The following KIFAP3 variants were observed in gnomAD, a reference collection of about 807,000 sequenced individuals.
The protein encoded by KIFAP3 is kinesin-associated protein 3.
Under a neutral mutation model 106.5 loss-of-function variants are expected in KIFAP3, and 68 were observed. That is an observed-to-expected ratio of 0.64 (90% confidence interval 0.53 to 0.78). The LOEUF is 0.78. KIFAP3 is among the 30% of genes least tolerant of loss of function. The probability of loss-of-function intolerance (pLI) is 0.00; values close to 1 mark genes in which losing one functional copy is unlikely to be tolerated. For missense variants in KIFAP3, 780 were observed against 941.8 expected (o/e 0.83, Z 2.25); for synonymous variants, 320 against 311.5 (o/e 1.03, Z -0.29).
At chr1:170,023,592 T>C (rs1181849148) in intron 9 of KIFAP3, among the ~76,000 whole-genome samples, 2 of 152,074 alleles carry the variant, frequency 1.3e-5, no homozygotes, top group African/African-American at 2.4e-5. Flanking sequence ...TTATTTGTAA[T>C]AGATAAAATT....
chr1:170,074,406 G>A (rs1426456817), intron 1 of KIFAP3, 30 bp downstream of exon 1: 4 of 1,613,056 alleles, frequency 2.5e-6, no homozygotes, highest in Admixed American at 1.7e-5. Flanking sequence ...CTGGCAAGGA[G>A]GGTAGGACAG....
At chr1:169,936,118 C>T (rs1008152812) in intron 19 of KIFAP3, among the ~76,000 whole-genome samples, 3 of 151,920 alleles carry the variant, frequency 2.0e-5, no homozygotes, top group African/African-American at 7.2e-5. Context: ...ATTTAAAACT[C>T]TTCCAATGAA....
At chr1:169,934,555 T>A (rs545482365) in intron 19 of KIFAP3, among the ~76,000 whole-genome samples, 1 of 152,270 alleles carries the variant, frequency 6.6e-6, no homozygotes, top group East Asian at 1.9e-4. Flanking sequence ...ACTGCCAGTG[T>A]TGGCTTCTCT....
At chr1:169,933,936 C>T (rs2750014) in intron 19 of KIFAP3, among the ~76,000 whole-genome samples, 32,496 of 152,032 alleles carry the variant, frequency 0.21, 4,440 homozygotes, top group East Asian at 0.47. Flanking sequence ...CTAACTTTGA[C>T]ATGACTTCTT....
At chr1:169,971,495 T>G (rs1229859858) in intron 17 of KIFAP3, among the ~76,000 whole-genome samples, 2 of 151,384 alleles carry the variant, frequency 1.3e-5, no homozygotes, top group African/African-American at 4.9e-5. Flanking sequence ...AGCTAAAATG[T>G]CAACGTATCC....
At chr1:169,945,420 A>G (rs1310612017) in intron 19 of KIFAP3, among the ~76,000 whole-genome samples, 1 of 152,120 alleles carries the variant, frequency 6.6e-6, no homozygotes, top group East Asian at 1.9e-4. Context: ...CCAACTTGGC[A>G]GGGGGCAGGG....
chr1:170,018,085 C>A (rs528290726), intron 9 of KIFAP3, among the ~76,000 whole-genome samples: 1 of 152,066 alleles, frequency 6.6e-6, no homozygotes, highest in African/African-American at 2.4e-5. Flanking sequence ...TTGACTTTTA[C>A]AATTTTAAAT....
At chr1:169,947,925 A>G (rs924321062) in intron 19 of KIFAP3, among the ~76,000 whole-genome samples, 1 of 151,444 alleles carries the variant, frequency 6.6e-6, no homozygotes, top group Non-Finnish European at 1.5e-5. Context: ...ATTCACATAT[A>G]AAGTTTACTT....
intron 19 of KIFAP3, among the ~76,000 whole-genome samples, chr1:169,941,893 T>C (rs1056905625): frequency 3.3e-5 from 5 of 152,234 alleles, no homozygotes; most frequent in African/African-American, 1.2e-4. Flanking sequence ...TTATGTACTT[T>C]ACTATGAGGA....
intron 1 of KIFAP3, among the ~76,000 whole-genome samples, chr1:170,062,047 A>G (rs1206561731): frequency 6.6e-6 from 1 of 152,082 alleles, no homozygotes; most frequent in East Asian, 1.9e-4. Flanking sequence ...TAGCATTAGG[A>G]GATATGCCTA....
chr1:170,045,501 TAGTC>T (rs1411193081), intron 3 of KIFAP3, among the ~76,000 whole-genome samples: 4 of 152,192 alleles, frequency 2.6e-5, no homozygotes, highest in South Asian at 2.1e-4. Flanking sequence ...TTTATGCAAA[TAGTC>T]AGGCAAAGTA....
In KIFAP3 at chr1:170,074,658, A is replaced by G. The variant is rs1020204264; in HGVS notation, c.-191T>C. The G allele has an allele frequency of 7.6e-6, 11 of 1,455,214 alleles. No homozygotes were observed. In the African/African-American group the frequency reaches 1.1e-4, roughly 15 times the overall value. The allele number at this position is 1,455,214 out of a possible 1,614,324, so 90.1% of individuals were successfully genotyped here. ...GCTCCTCCCACAGCTTCTGTGCCCC[A>G]AAACACTGGAGCGGCCCAGACCCGC... is the stretch of plus-strand genomic sequence containing the variant. On this transcript the variant is annotated 5_prime_UTR_variant, in exon 1 of 20. Transcript: ENST00000361580.
At chr1:170,056,385 A>T (rs768660793) in intron 1 of KIFAP3, among the ~76,000 whole-genome samples, 14 of 152,176 alleles carry the variant, frequency 9.2e-5, no homozygotes, top group Admixed American at 2.6e-4. Context: ...TCAAGCCAAT[A>T]AAGTCGCAAA....
At chr1:170,020,098 T>A (rs1051727515) in intron 9 of KIFAP3, among the ~76,000 whole-genome samples, 1 of 152,130 alleles carries the variant, frequency 6.6e-6, no homozygotes, top group African/African-American at 2.4e-5. Flanking sequence ...TACTTAGGTA[T>A]AAATCTAACA....
chr1:170,057,637 A>G (rs950884397), intron 1 of KIFAP3, among the ~76,000 whole-genome samples: 17 of 151,716 alleles, frequency 1.1e-4, no homozygotes, highest in African/African-American at 3.9e-4. Context: ...GTATTCTAGC[A>G]GGGGTGAAAC....
At chr1:169,983,980 A>G (rs1209486185) in intron 12 of KIFAP3, among the ~76,000 whole-genome samples, 1 of 151,868 alleles carries the variant, frequency 6.6e-6, no homozygotes, top group African/African-American at 2.4e-5. Context: ...ATCACATAAA[A>G]TATTATTTCA....
At chr1:169,998,225 C>T (rs987881806) in intron 10 of KIFAP3, among the ~76,000 whole-genome samples, 1 of 151,988 alleles carries the variant, frequency 6.6e-6, no homozygotes, top group Admixed American at 6.6e-5. Context: ...AGTCTGAGGA[C>T]ACTGAAGAGA....
chr1:170,040,136 C>T (rs191690628), intron 3 of KIFAP3, among the ~76,000 whole-genome samples: 2 of 152,144 alleles, frequency 1.3e-5, no homozygotes, highest in East Asian at 3.9e-4. Context: ...CAGCTTAATT[C>T]TGCTTCAAAC....
chr1:169,980,508 G>T (rs1041490251), intron 15 of KIFAP3, among the ~76,000 whole-genome samples: 2 of 152,126 alleles, frequency 1.3e-5, no homozygotes, highest in African/African-American at 2.4e-5. Context: ...CTCTAGGCCT[G>T]CAATGTCAAA....
Sources: gnomAD v4.1 joint callset for allele counts (sites outside exome capture counted in the v4.1 genomes callset) on GRCh38, gnomAD v4.1.1 for gene constraint, MANE v1.5 for transcripts, NCBI Gene and HGNC (gene_info 2026-07-23, HGNC 2026-07-21) for gene names.